WDR88: variants seen among roughly 807,000 people sequenced by gnomAD.
WDR88 encodes the protein WD repeat domain 88, also known as WD repeat-containing protein 88.
In WDR88, 40 loss-of-function variants were observed where a neutral mutation model predicts 46.8. The observed-to-expected ratio is 0.86, with a 90% confidence interval of 0.66 to 1.11. The LOEUF (loss-of-function observed/expected upper bound fraction) is 1.11. Among genes scored for constraint, WDR88 ranks in the 50% most tolerant of loss-of-function variants. WDR88 has a pLI of 0.00. For synonymous variants in WDR88, 235 were observed against 240.7 expected (o/e 0.98, Z 0.22); for missense variants, 562 against 602.4 (o/e 0.93, Z 0.70).
chr19:33,156,595 G>GT, intron 7 of WDR88, 53 bp downstream of exon 7: 1 of 1,545,674 alleles, frequency 6.5e-7, no homozygotes, highest in Non-Finnish European at 8.7e-7. Flanking sequence ...GCTGGGCAGA[G>GT]TTCTCCATGT....
chr19:33,143,595 T>C (rs2145374378), intron 2 of WDR88, among the ~76,000 whole-genome samples: 1 of 150,986 alleles, frequency 6.6e-6, no homozygotes, highest in East Asian at 2.0e-4. Flanking sequence ...CAGTGAGCCG[T>C]GTTCTTGCCA....
chr19:33,173,986 G>T (rs62125334), intron 10 of WDR88, among the ~76,000 whole-genome samples: 25,818 of 152,038 alleles, frequency 0.17, 2,650 homozygotes, highest in South Asian at 0.33. Context: ...GAGTAGCTGG[G>T]ACTACAGGCG....
chr19:33,170,407 T>C (rs1390861286), intron 9 of WDR88, among the ~76,000 whole-genome samples: 1 of 150,950 alleles, frequency 6.6e-6, no homozygotes, highest in Non-Finnish European at 1.5e-5. Flanking sequence ...CTCAAACTCC[T>C]GGCCTTAAGT....
intron 3 of WDR88, among the ~76,000 whole-genome samples, chr19:33,146,154 G>A (rs570192254): frequency 6.6e-5 from 10 of 152,218 alleles, no homozygotes; most frequent in Non-Finnish European, 1.2e-4. Flanking sequence ...AAAATTAGTC[G>A]GGCGTAGTGG....
chr19:33,147,858 T>G, intron 4 of WDR88, 150 bp downstream of exon 4: 1 of 685,616 alleles, frequency 1.5e-6, no homozygotes, highest in Non-Finnish European at 2.4e-6. Flanking sequence ...GAAGTACAGA[T>G]GTGAACTGCA....
intron 10 of WDR88, among the ~76,000 whole-genome samples, chr19:33,173,985 G>A (rs1003598365): frequency 6.6e-6 from 1 of 152,072 alleles, no homozygotes; most frequent in Non-Finnish European, 1.5e-5. Flanking sequence ...CGAGTAGCTG[G>A]GACTACAGGC....
intron 9 of WDR88, among the ~76,000 whole-genome samples, chr19:33,168,351 G>T (rs546728722): frequency 6.6e-6 from 1 of 152,186 alleles, no homozygotes; most frequent in South Asian, 2.1e-4. Context: ...TTCATAGGTG[G>T]CATGATCGTA....
At chr19:33,136,951 G>A (rs1187771113) in intron 1 of WDR88, among the ~76,000 whole-genome samples, 9 of 143,102 alleles carry the variant, frequency 6.3e-5, no homozygotes, top group Non-Finnish European at 1.2e-4. Flanking sequence ...ATTATTTAAA[G>A]GCAGGGTCTT....
chr19:33,145,210 A>G (rs1415921822), intron 3 of WDR88, among the ~76,000 whole-genome samples: 5 of 152,142 alleles, frequency 3.3e-5, no homozygotes, highest in African/African-American at 1.2e-4. Context: ...GCTGGAGTGC[A>G]GTGGTGCAAA....
In WDR88 at chr19:33,175,655, C is replaced by T; in HGVS notation, c.*83C>T. On this transcript the variant is annotated 3_prime_UTR_variant, in exon 11 of 11. Coordinates refer to ENST00000355868, the MANE Select transcript of WDR88 (RefSeq NM_173479.4). ...GGCTTTGCAGGGGCTTTCTCTTGGG[C>T]CCCTCCCAGGCTCAGCAGGCCTGTC... 1 of 1,542,544 alleles carries T rather than the reference C, an allele frequency of 6.5e-7. No homozygotes were observed. The highest frequency in any genetic ancestry group is 1.2e-5 in the South Asian group (1 of 83,030).
intron 1 of WDR88, among the ~76,000 whole-genome samples, chr19:33,134,329 T>G (rs1195816363): frequency 3.3e-5 from 5 of 151,690 alleles, no homozygotes. Flanking sequence ...TTAAATTAAA[T>G]TATATATTTT....
intron 5 of WDR88, among the ~76,000 whole-genome samples, chr19:33,149,491 G>C (rs1973589088): frequency 6.6e-6 from 1 of 151,818 alleles, no homozygotes; most frequent in Non-Finnish European, 1.5e-5. Context: ...TTTTATTGAG[G>C]GGAGGCTCAG....
At chr19:33,157,691 A>G (rs8105100) in intron 7 of WDR88, among the ~76,000 whole-genome samples, 32 of 960 alleles carry the variant, frequency 0.033, 1 homozygote, top group African/African-American at 0.073. Flanking sequence ...ATGTATGTAT[A>G]TATATATATA....
intron 9 of WDR88, among the ~76,000 whole-genome samples, chr19:33,166,025 T>G (rs1389824531): frequency 6.7e-6 from 1 of 150,334 alleles, no homozygotes; most frequent in Non-Finnish European, 1.5e-5. Context: ...TTTGGGAGGT[T>G]AAGGTGGGAG....
chr19:33,163,049 T>C (rs1301946708), intron 8 of WDR88, among the ~76,000 whole-genome samples: 2 of 151,088 alleles, frequency 1.3e-5, no homozygotes, highest in Admixed American at 1.3e-4. Context: ...AATACAAACA[T>C]TAGGTGGGGT....
Position 33,173,091 on chromosome 19 carries a change from CAAAAAAAAAAA to C in WDR88, c.1242+669_1242+679del, listed in dbSNP as rs60495323. ...TGGGTGACAGAGCGAGACTCTGTCT[CAAAAAAAAAAA>C]AAAAAAAAAAAAAAAAAGAGAAGAA... On this transcript the variant is annotated intron_variant, in intron 10 of 10. Coordinates refer to ENST00000355868, the MANE Select transcript of WDR88 (RefSeq NM_173479.4). 1.6e-4 allele frequency among the ~76,000 whole-genome samples: 9 copies of C among 57,292 alleles called. No homozygotes were observed. In the East Asian group the frequency reaches 4.1e-3, roughly 26 times the overall value. The allele number at this position is 57,292 out of a possible 152,430, so 37.6% of individuals were successfully genotyped here.
rs969863558 is a variant in WDR88 at position 33,132,440 on chromosome 19, T to A, written c.271T>A (p.Ser91Thr). 15 of 1,613,448 alleles carry A rather than the reference T, an allele frequency of 9.3e-6. No individual in the cohort carries two copies. The highest frequency in any genetic ancestry group is 1.3e-5 in the Non-Finnish European group (15 of 1,179,738). The change falls in exon 1 of 11, where the codon TCC (serine) becomes ACC (threonine). Residue 91 changes from serine to threonine, a missense_variant. Physicochemically the swap from Ser to Thr is moderately conservative, Grantham distance 58. Coordinates refer to ENST00000355868, the MANE Select transcript of WDR88 (RefSeq NM_173479.4). ...GATCTGGGGCGACCAGGACCCTCTC[T>A]CCAAGGTCAGAACCGCCGCTGGGGT... is the stretch of plus-strand genomic sequence containing the variant. ...KLIWGDQDPL[S>T]KIPFKILSGH...
chr19:33,162,109 A>G (rs1443742499), intron 8 of WDR88, among the ~76,000 whole-genome samples: 1 of 152,190 alleles, frequency 6.6e-6, no homozygotes, highest in East Asian at 1.9e-4. Flanking sequence ...CATACGGGGA[A>G]GGCCAAAGAA....
rs1346383343 is a variant in WDR88, at chr19:33,160,477, A to G, written c.1061A>G (p.Tyr354Cys). 1 of 1,614,094 alleles carries G rather than the reference A, an allele frequency of 6.2e-7. No homozygotes were observed. The highest frequency in any genetic ancestry group is 1.3e-5 in the African/African-American group (1 of 74,922). The change falls in exon 8 of 11, where the codon TAC (tyrosine) becomes TGC (cysteine). Residue 354 changes from tyrosine to cysteine, a missense_variant. Physicochemically the swap from Tyr to Cys is radical, Grantham distance 194. Coordinates refer to ENST00000355868, the MANE Select transcript of WDR88 (RefSeq NM_173479.4). ...TVAIWDVAEGYRKLSLKGHND... is the reference protein window; with the variant it reads ...TVAIWDVAEGCRKLSLKGHND... ...GCTATTTGGGATGTAGCAGAAGGCTACCGGAAGCTCTCTTTGAAGGTACAT... is the reference window on the plus strand; with the variant it reads ...GCTATTTGGGATGTAGCAGAAGGCTGCCGGAAGCTCTCTTTGAAGGTACAT...
Sources: gnomAD v4.1 joint callset for allele counts (sites outside exome capture counted in the v4.1 genomes callset) on GRCh38, gnomAD v4.1.1 for gene constraint, MANE v1.5 for transcripts, NCBI Gene and HGNC (gene_info 2026-07-23, HGNC 2026-07-21) for gene names.